The following ZFYVE9 variants were observed in gnomAD, a reference collection of about 807,000 sequenced individuals.
ZFYVE9 encodes the protein zinc finger FYVE domain-containing protein 9.
A neutral mutation model predicts 126.7 loss-of-function variants in ZFYVE9; 43 were observed. The observed-to-expected ratio is 0.34, with a 90% CI of 0.27 to 0.44. ZFYVE9 has a LOEUF of 0.44. ZFYVE9 is among the 20% of genes least tolerant of loss of function. The pLI is 1.00. For missense variants in ZFYVE9, 1,476 were observed against 1,697.0 expected, an observed-to-expected ratio of 0.87 and a Z score of 2.29; for synonymous variants, 521 against 597.4, an observed-to-expected ratio of 0.87 and a Z score of 1.87.
chr1:52,199,364 A>G (rs887515146), intron 1 of ZFYVE9, among the ~76,000 whole-genome samples: 3 of 152,154 alleles, frequency 2.0e-5, no homozygotes, highest in African/African-American at 7.2e-5. Flanking sequence ...TACCTGGCCA[A>G]TCACGGATCT....
At chr1:52,312,290 T>C (rs1377383153) in intron 13 of ZFYVE9, among the ~76,000 whole-genome samples, 1 of 152,170 alleles carries the variant, frequency 6.6e-6, no homozygotes, top group Non-Finnish European at 1.5e-5. Context: ...GTATTTAATA[T>C]AAGGAAAAGA....
intron 4 of ZFYVE9, among the ~76,000 whole-genome samples, chr1:52,256,519 AG>A (rs1322602488): frequency 1.3e-5 from 2 of 152,136 alleles, no homozygotes; most frequent in Admixed American, 1.3e-4. Context: ...CTGGGATTAC[AG>A]GCATGTGCCA....
At chr1:52,187,319 A>G (rs1221589152) in intron 1 of ZFYVE9, among the ~76,000 whole-genome samples, 2 of 152,360 alleles carry the variant, frequency 1.3e-5, no homozygotes, top group African/African-American at 4.8e-5. Flanking sequence ...AATCAATGCA[A>G]GATGGTTTAA....
chr1:52,158,390 G>GGAGC (rs1644422378), intron 1 of ZFYVE9, among the ~76,000 whole-genome samples: 1 of 152,212 alleles, frequency 6.6e-6, no homozygotes, highest in African/African-American at 2.4e-5. Context: ...AGATCCTGAG[G>GGAGC]GAGCCCCTGT....
rs150077989 is a variant in ZFYVE9 at position 52,186,341 on chromosome 1, A to G, written c.-142-30028A>G. Among the ~76,000 whole-genome samples the G allele has an allele frequency of 4.5e-4, 69 of 152,314 alleles. No homozygotes were observed. The East Asian group carries it at 0.012, about 26-fold the overall frequency. ...TACCTTAAAATAATAAGAGCCGTCT[A>G]TGACCAACCCACAGCCAACCTCATA... On this transcript the variant is annotated intron_variant, in intron 1 of 18. Coordinates refer to ENST00000287727, the MANE Select transcript of ZFYVE9 (RefSeq NM_004799.4).
At chr1:52,190,832 G>A (rs1644809706) in intron 1 of ZFYVE9, among the ~76,000 whole-genome samples, 2 of 152,190 alleles carry the variant, frequency 1.3e-5, no homozygotes, top group South Asian at 4.1e-4. Context: ...ATTTGTGTCA[G>A]TAACTATTAA....
intron 4 of ZFYVE9, chr1:52,252,665 T>A (rs1645462175): frequency 3.0e-6 from 1 of 335,386 alleles, no homozygotes. Context: ...GCCGAAAAAT[T>A]TGTTTTACTT....
At chr1:52,324,063 A>AC (rs1450759457) in intron 13 of ZFYVE9, among the ~76,000 whole-genome samples, 2 of 152,024 alleles carry the variant, frequency 1.3e-5, no homozygotes, top group African/African-American at 4.8e-5. Context: ...CAGTCTCAAA[A>AC]AAAAAAAATA....
chr1:52,218,693 C>T (rs1452638823), intron 2 of ZFYVE9, among the ~76,000 whole-genome samples: 1 of 152,282 alleles, frequency 6.6e-6, no homozygotes, highest in Admixed American at 6.5e-5. Context: ...ATCTTGATAA[C>T]TGGTTTCTAT....
intron 13 of ZFYVE9, among the ~76,000 whole-genome samples, chr1:52,318,963 GGCACAT>G (rs1646212804): frequency 6.6e-6 from 1 of 152,114 alleles, no homozygotes; most frequent in Non-Finnish European, 1.5e-5. Flanking sequence ...CAGGTGTCAT[GGCACAT>G]GCCTGTAGTT....
In ZFYVE9 at chr1:52,233,155, C is replaced by T. The variant is rs116198179; in HGVS notation, c.-36-16C>T. 973 of 1,160,688 alleles carry T rather than the reference C, an allele frequency of 8.4e-4. 8 individuals are homozygous for T. The African/African-American group carries it at 0.014, about 16-fold the overall frequency. The allele number at this position is 1,160,688 out of a possible 1,614,324, so 71.9% of individuals were successfully genotyped here. A position where few individuals can be genotyped will look rare whatever the true frequency, so the allele number is the denominator to read the frequency against. ...TATTTTAATAATTCAAAATGTAATA[C>T]GCATTTACTTTTTAGGTTTAAACAA... is the stretch of plus-strand genomic sequence containing the variant. On this transcript the variant is annotated splice_polypyrimidine_tract_variant and intron_variant, in intron 2 of 18. Transcript: ENST00000287727.
chr1:52,315,680 AAAG>A (rs1197881255), intron 13 of ZFYVE9, among the ~76,000 whole-genome samples: 7 of 152,216 alleles, frequency 4.6e-5, no homozygotes, highest in African/African-American at 1.7e-4. Context: ...TGGAATCATA[AAAG>A]AAGGCTGAAA....
At chr1:52,259,893 T>C (rs12059262) in intron 4 of ZFYVE9, among the ~76,000 whole-genome samples, 5,565 of 152,272 alleles carry the variant, frequency 0.037, 254 homozygotes, top group African/African-American at 0.11. Flanking sequence ...TACAGAACTA[T>C]TTCATTCTTT....
intron 1 of ZFYVE9, among the ~76,000 whole-genome samples, chr1:52,154,045 T>C (rs966364198): frequency 2.6e-5 from 4 of 152,248 alleles, no homozygotes; most frequent in Non-Finnish European, 5.9e-5. Context: ...GGAGCTGTTA[T>C]GGATATAACT....
intron 1 of ZFYVE9, among the ~76,000 whole-genome samples, chr1:52,154,483 AT>A (rs1644384021): frequency 6.6e-6 from 1 of 152,136 alleles, no homozygotes. Context: ...TGGGTGACCG[AT>A]GTCAGCTAGT....
In ZFYVE9 at chr1:52,295,900, C is replaced by A; in HGVS notation, c.3256C>A (p.Pro1086Thr). 3.7e-6 allele frequency: 6 copies of A among 1,613,100 alleles called. No homozygotes were observed. The highest frequency in any genetic ancestry group is 5.1e-6 in the Non-Finnish European group (6 of 1,179,548). Reference sequence around the variant, plus strand: ...ATCATTTCTCATTTCCATAGTTTATCCATGCCCACTATTCAGTGTCAGATT... The same window carrying A: ...ATCATTTCTCATTTCCATAGTTTATACATGCCCACTATTCAGTGTCAGATT... ...LRLGAEYRLY[P>T]CPLFSVRFRK... is the part of the protein sequence containing the mutation. Residue 1086 changes from proline to threonine, a missense_variant, in exon 12 of 19, where the codon CCA becomes ACA. Around this residue, in one of 2 missense-constraint regions of ZFYVE9, gnomAD observed 669 missense variants for 902.4 expected, o/e 0.74. Transcript: ENST00000287727.
At chr1:52,239,779 T>A (rs1318565130) in intron 4 of ZFYVE9, among the ~76,000 whole-genome samples, 184 bp downstream of exon 4, 1 of 152,236 alleles carries the variant, frequency 6.6e-6, no homozygotes, top group Non-Finnish European at 1.5e-5. Flanking sequence ...AGATAGTATT[T>A]GTAATTTTTT....
intron 1 of ZFYVE9, among the ~76,000 whole-genome samples, chr1:52,174,445 AGGTGT>A (rs1374103083): frequency 6.6e-6 from 1 of 152,174 alleles, no homozygotes; most frequent in Non-Finnish European, 1.5e-5. Context: ...ATTTTGGAAT[AGGTGT>A]GGTGTGGTGC....
chr1:52,225,495 G>A (rs1187636966), intron 2 of ZFYVE9, among the ~76,000 whole-genome samples: 3 of 152,200 alleles, frequency 2.0e-5, no homozygotes, highest in African/African-American at 7.2e-5. Flanking sequence ...CACACCAAAC[G>A]AAGGAAGGGG....
Sources: allele counts gnomAD v4.1 joint callset (sites outside exome capture counted in the v4.1 genomes callset), GRCh38; gene constraint gnomAD v4.1.1; regional missense constraint gnomAD v4.1.1; transcripts MANE v1.5; gene names NCBI Gene and HGNC (gene_info 2026-07-23, HGNC 2026-07-21).